Variants in OLA1 observed in about 807,000 individuals in gnomAD.
The protein encoded by OLA1 is Obg like ATPase 1, also known as obg-like ATPase 1.
OLA1 carries 14 observed loss-of-function variants against 48.4 expected under a neutral mutation model. The ratio of observed to expected loss-of-function variants is 0.29; its 90% CI spans 0.19 to 0.45. OLA1 has a LOEUF of 0.45. OLA1 is among the 20% of genes least tolerant of loss of function. The pLI is 1.00. For synonymous variants in OLA1, 127 were observed against 150.4 expected (o/e 0.84, Z 1.14); for missense variants, 325 against 467.1 (o/e 0.70, Z 2.80).
intron 7 of OLA1, among the ~76,000 whole-genome samples, chr2:174,096,768 T>C (rs1685265576): frequency 6.6e-6 from 1 of 152,218 alleles, no homozygotes; most frequent in South Asian, 2.1e-4. Context: ...CAATTTTAAC[T>C]GTCTGCTGTC....
chr2:174,079,791 T>C (rs12468993), intron 9 of OLA1, among the ~76,000 whole-genome samples: 18,151 of 151,886 alleles, frequency 0.12, 1,365 homozygotes, highest in East Asian at 0.21. Context: ...TAATAAAGCA[T>C]GTTAAAGTGA....
At chr2:174,077,114 A>T (rs1684757897) in intron 10 of OLA1, among the ~76,000 whole-genome samples, 1 of 152,272 alleles carries the variant, frequency 6.6e-6, no homozygotes, top group East Asian at 1.9e-4. Flanking sequence ...CCATTTGTGA[A>T]TCTTGAGTAT....
intron 4 of OLA1, among the ~76,000 whole-genome samples, chr2:174,191,886 A>G (rs2105423892): frequency 6.6e-6 from 1 of 152,312 alleles, no homozygotes; most frequent in African/African-American, 2.4e-5. Context: ...AAGTCCAGGA[A>G]TTCTCTCGAT....
In OLA1 at chr2:174,077,321, TATACATACATACATAC is replaced by T. The variant is rs34621038; in HGVS notation, c.1089+1631_1089+1646del. 1.7e-3 allele frequency among the ~76,000 whole-genome samples: 253 copies of T among 150,756 alleles called. 1 individual carries two copies. The highest frequency in any genetic ancestry group is 6.3e-3 in the South Asian group (30 of 4,754). ...ATGCTGCACTGGTGTTAGAAATACATATACATACATACATACATACATACATACATACATACATACA... is the reference window on the plus strand; with the variant it reads ...ATGCTGCACTGGTGTTAGAAATACATATACATACATACATACATACATACA... On this transcript the variant is annotated intron_variant, in intron 10 of 10. Transcript: ENST00000284719.
intron 4 of OLA1, among the ~76,000 whole-genome samples, chr2:174,146,930 C>G (rs948350669): frequency 1.3e-5 from 2 of 152,120 alleles, no homozygotes; most frequent in African/African-American, 4.8e-5. Flanking sequence ...AGGTGGCCTA[C>G]TTAGAAATCA....
In OLA1 at chr2:174,139,224, A is replaced by C. The variant is rs1465449185; in HGVS notation, c.549+2601T>G. 2.6e-5 allele frequency among the ~76,000 whole-genome samples: 4 copies of C among 152,180 alleles called. No homozygotes were observed. The East Asian group carries it at 7.7e-4, about 29-fold the overall frequency. On this transcript the variant is annotated intron_variant, in intron 5 of 10. Transcript: ENST00000284719. Reference sequence around the variant, plus strand: ...ACTTGTGTCCTTATAAGAAGAGAGAAATTTGGACAGAGACACACAGGAAAG... The same window carrying C: ...ACTTGTGTCCTTATAAGAAGAGAGACATTTGGACAGAGACACACAGGAAAG...
intron 7 of OLA1, 128 bp from the exon 8 acceptor site, chr2:174,082,192 T>G (rs1684871084): frequency 1.0e-6 from 1 of 1,003,166 alleles, no homozygotes; most frequent in Non-Finnish European, 1.5e-6. Flanking sequence ...TTTTTGTATA[T>G]AGCTTTCCAA....
Position 174,073,741 on chromosome 2 carries a change from A to G in OLA1, c.*1685T>C, listed in dbSNP as rs1684661492. 1 of 152,204 alleles carries G rather than the reference A, an allele frequency of 6.6e-6. No individual in the cohort carries two copies. The highest frequency in any genetic ancestry group is 2.4e-5 in the African/African-American group (1 of 41,450). 9.4% of individuals were successfully genotyped at this position (152,204 alleles called of 1,614,324 possible). ...ACTTTGGAGAAGACCCAAAAGCAAGATATTTGATTCTTTCTTATACTGCTG... is the reference window on the plus strand; with the variant it reads ...ACTTTGGAGAAGACCCAAAAGCAAGGTATTTGATTCTTTCTTATACTGCTG... On this transcript the variant is annotated 3_prime_UTR_variant, in exon 11 of 11. Coordinates refer to ENST00000284719, the MANE Select transcript of OLA1 (RefSeq NM_013341.5).
intron 2 of OLA1, among the ~76,000 whole-genome samples, chr2:174,234,207 T>A (rs1434224346): frequency 2.0e-5 from 3 of 152,204 alleles, no homozygotes; most frequent in Non-Finnish European, 4.4e-5. Context: ...GTAGCTACGT[T>A]TTCTCTTCCT....
intron 3 of OLA1, among the ~76,000 whole-genome samples, chr2:174,226,287 C>A (rs1277995202): frequency 6.6e-6 from 1 of 151,580 alleles, no homozygotes; most frequent in Non-Finnish European, 1.5e-5. Context: ...AATACAATAT[C>A]TCAAAAAATT....
chr2:174,222,613 A>T (rs954328474), intron 4 of OLA1, among the ~76,000 whole-genome samples: 1 of 152,142 alleles, frequency 6.6e-6, no homozygotes, highest in African/African-American at 2.4e-5. Flanking sequence ...TTTCATCTCT[A>T]ATAGATAACC....
intron 2 of OLA1, among the ~76,000 whole-genome samples, chr2:174,237,534 A>C (rs955091360): frequency 6.6e-6 from 1 of 152,168 alleles, no homozygotes; most frequent in Non-Finnish European, 1.5e-5. Flanking sequence ...GATCGCTTGA[A>C]GCCAGGAGTT....
intron 3 of OLA1, among the ~76,000 whole-genome samples, chr2:174,224,655 G>C (rs1002702682): frequency 8.5e-5 from 13 of 152,138 alleles, no homozygotes; most frequent in Admixed American, 7.2e-4. Context: ...AGGTTTACTG[G>C]AGGGGGTGTA....
Position 174,223,115 on chromosome 2 carries a change from C to A in OLA1, c.291G>T (p.Val97=), listed in dbSNP as rs1688543277. The A allele has an allele frequency of 6.2e-7, 1 of 1,613,978 alleles. No individual in the cohort carries two copies. Among genetic ancestry groups the A allele is most frequent in the Admixed American group, 1.7e-5 (1 of 60,022 alleles). ...FLNVVDIAGL[V]KGAHNGQGLG... is the part of the protein sequence containing the mutation. ...GGCCCTGCCCATTGTGAGCTCCTTT[C>A]ACAAGGCCAGCAATATCCACCACAT... The change falls in exon 4 of 11, where the codon GTG becomes GTT. Residue 97 remains valine (V), a synonymous_variant. Transcript: ENST00000284719.
At chr2:174,234,980 G>GA (rs1272641085) in intron 2 of OLA1, among the ~76,000 whole-genome samples, 1 of 152,040 alleles carries the variant, frequency 6.6e-6, no homozygotes, top group South Asian at 2.1e-4. Flanking sequence ...TCAGTATGAT[G>GA]AAAGCCCATC....
intron 5 of OLA1, among the ~76,000 whole-genome samples, chr2:174,137,210 A>G (rs539961452): frequency 6.6e-6 from 1 of 152,278 alleles, no homozygotes; most frequent in South Asian, 2.1e-4. Flanking sequence ...GAGCTCTGGA[A>G]TGATCAGGTA....
intron 7 of OLA1, among the ~76,000 whole-genome samples, chr2:174,110,496 G>A (rs1685623287): frequency 6.6e-6 from 1 of 151,714 alleles, no homozygotes; most frequent in South Asian, 2.1e-4. Context: ...CCAGGCTGGA[G>A]TACACTGGCA....
chr2:174,225,481 G>A (rs543312117), intron 3 of OLA1, among the ~76,000 whole-genome samples: 9 of 152,200 alleles, frequency 5.9e-5, no homozygotes, highest in South Asian at 2.1e-4. Context: ...CCCAGGAGGC[G>A]GAGGTTGCAG....
intron 7 of OLA1, among the ~76,000 whole-genome samples, chr2:174,087,050 C>CA (rs1684998111): frequency 6.8e-6 from 1 of 146,172 alleles, no homozygotes; most frequent in South Asian, 2.2e-4. Flanking sequence ...TTTTTTGAGA[C>CA]AAAGTCTCGC....
Sources: allele counts gnomAD v4.1 joint callset (sites outside exome capture counted in the v4.1 genomes callset), GRCh38; gene constraint gnomAD v4.1.1; transcripts MANE v1.5; gene names NCBI Gene and HGNC (gene_info 2026-07-23, HGNC 2026-07-21).